Variants in EEPD1 observed in about 807,000 individuals in gnomAD.
The protein encoded by EEPD1 is endonuclease/exonuclease/phosphatase family domain-containing protein 1.
EEPD1 carries 17 observed loss-of-function variants against 46.3 expected under a neutral mutation model. The observed-to-expected ratio is 0.37, with a 90% CI of 0.25 to 0.55. The LOEUF (loss-of-function observed/expected upper bound fraction) is 0.55. EEPD1 is among the 20% of genes least tolerant of loss of function. The probability of loss-of-function intolerance (pLI) is 0.83; values close to 1 mark genes in which losing one functional copy is unlikely to be tolerated. For synonymous variants in EEPD1, 313 were observed against 315.6 expected (o/e 0.99, Z 0.09); for missense variants, 673 against 745.6 (o/e 0.90, Z 1.13).
chr7:36,162,514 C>T (rs983463256), intron 2 of EEPD1, among the ~76,000 whole-genome samples: 1 of 152,110 alleles, frequency 6.6e-6, no homozygotes, highest in African/African-American at 2.4e-5. Context: ...GTTGGTGGTG[C>T]ACACCCATAG....
chr7:36,158,737 A>G (rs1784861352), intron 2 of EEPD1, among the ~76,000 whole-genome samples: 1 of 152,216 alleles, frequency 6.6e-6, no homozygotes, highest in African/African-American at 2.4e-5. Flanking sequence ...GTTCCTGCTA[A>G]ATATGCTTGC....
chr7:36,228,889 G>C (rs1786273293), intron 2 of EEPD1: 1 of 152,210 alleles, frequency 6.6e-6, no homozygotes, highest in Admixed American at 6.5e-5. Context: ...TTGATTAATA[G>C]GTTTGTCACA....
chr7:36,184,895 T>C (rs1331855584), intron 2 of EEPD1, among the ~76,000 whole-genome samples: 4 of 152,120 alleles, frequency 2.6e-5, no homozygotes, highest in African/African-American at 9.7e-5. Flanking sequence ...CATACCTGGC[T>C]AATTTTTGGA....
At chr7:36,219,732 T>G (rs143023117) in intron 2 of EEPD1, among the ~76,000 whole-genome samples, 58 of 146,876 alleles carry the variant, frequency 3.9e-4, no homozygotes, top group African/African-American at 1.4e-3. Context: ...CCCTAATTAC[T>G]GGCCTGATAG....
At chr7:36,195,519 G>A (rs540830204) in intron 2 of EEPD1, among the ~76,000 whole-genome samples, 11 of 152,250 alleles carry the variant, frequency 7.2e-5, no homozygotes, top group South Asian at 2.1e-4. Flanking sequence ...AACTGATCTC[G>A]CTTATATGTG....
chr7:36,184,285 G>T (rs1161282582), intron 2 of EEPD1, among the ~76,000 whole-genome samples: 1 of 152,070 alleles, frequency 6.6e-6, no homozygotes, highest in Non-Finnish European at 1.5e-5. Flanking sequence ...AAATGCCAAA[G>T]CCATTCTTAC....
At chr7:36,161,567 G>A (rs891570835) in intron 2 of EEPD1, among the ~76,000 whole-genome samples, 1 of 152,024 alleles carries the variant, frequency 6.6e-6, no homozygotes, top group Non-Finnish European at 1.5e-5. Flanking sequence ...GGGGAGGTCC[G>A]GGCCCTCCAC....
intron 2 of EEPD1, chr7:36,228,588 A>C (rs1422867966): frequency 6.6e-6 from 1 of 152,168 alleles, no homozygotes; most frequent in East Asian, 1.9e-4. Context: ...ATGAAGGAAA[A>C]AGTTATTCTG....
intron 2 of EEPD1, among the ~76,000 whole-genome samples, chr7:36,229,083 TTCCCTGTCACTTGCTG>T (rs907912223): frequency 1.3e-5 from 2 of 152,170 alleles, no homozygotes; most frequent in African/African-American, 4.8e-5. Context: ...CGGAAACCCC[TTCCCTGTCACTTGCTG>T]TACAGTCTGG....
intron 2 of EEPD1, among the ~76,000 whole-genome samples, chr7:36,162,384 A>G (rs1469206481): frequency 6.6e-6 from 1 of 152,200 alleles, no homozygotes; most frequent in Non-Finnish European, 1.5e-5. Flanking sequence ...GGTGGCTCAC[A>G]CCTGTAATCC....
At chr7:36,258,374 C>G (rs1786860016) in intron 3 of EEPD1, among the ~76,000 whole-genome samples, 1 of 152,220 alleles carries the variant, frequency 6.6e-6, no homozygotes. Context: ...ATCCACTGCT[C>G]TCTTAAGAGC....
chr7:36,186,130 G>A lies in EEPD1; in HGVS notation c.878+30928G>A, dbSNP rs141408632. 3.0e-3 allele frequency among the ~76,000 whole-genome samples: 463 copies of A among 152,170 alleles called. 1 individual carries two copies. The highest frequency in any genetic ancestry group is 1.0e-2 in the African/African-American group (414 of 41,520). On this transcript the variant is annotated intron_variant, in intron 2 of 7. Coordinates refer to ENST00000242108, the MANE Select transcript of EEPD1 (RefSeq NM_030636.3). Reference sequence around the variant, plus strand: ...CAAAATATGAGCTTTGCATTCCCCCGGATCCAGAAGCCAAATGGGCAGACT... The same window carrying A: ...CAAAATATGAGCTTTGCATTCCCCCAGATCCAGAAGCCAAATGGGCAGACT...
intron 2 of EEPD1, among the ~76,000 whole-genome samples, chr7:36,155,990 G>C (rs1266556645): frequency 6.6e-6 from 1 of 152,210 alleles, no homozygotes. Context: ...AACTCCTGCT[G>C]TTAGTAAAAT....
intron 3 of EEPD1, among the ~76,000 whole-genome samples, chr7:36,246,525 C>T (rs893807380): frequency 1.3e-5 from 2 of 152,312 alleles, no homozygotes; most frequent in Non-Finnish European, 2.9e-5. Flanking sequence ...CTGCTGTGGT[C>T]GTCATCATCA....
intron 3 of EEPD1, among the ~76,000 whole-genome samples, chr7:36,251,781 GT>G (rs1554319084): frequency 6.6e-6 from 1 of 151,938 alleles, no homozygotes; most frequent in Non-Finnish European, 1.5e-5. Flanking sequence ...GTTTTCAAAA[GT>G]TTTTTGCTTT....
intron 3 of EEPD1, among the ~76,000 whole-genome samples, chr7:36,248,118 C>T (rs530328732): frequency 2.6e-5 from 4 of 152,164 alleles, no homozygotes; most frequent in South Asian, 2.1e-4. Flanking sequence ...GGTTGGAGGA[C>T]GTGGACTGGA....
rs756687593 is a variant in EEPD1 at position 36,300,164 on chromosome 7, A to G, written c.*958A>G. 2 of 152,320 alleles carry G rather than the reference A, an allele frequency of 1.3e-5. No homozygotes were observed. Among genetic ancestry groups the G allele is most frequent in the Non-Finnish European group, 2.9e-5 (2 of 68,094 alleles). The allele number at this position is 152,320 out of a possible 1,614,324, so 9.4% of individuals were successfully genotyped here. On this transcript the variant is annotated 3_prime_UTR_variant, in exon 8 of 8. Coordinates refer to ENST00000242108, the MANE Select transcript of EEPD1 (RefSeq NM_030636.3). Reference sequence around the variant, plus strand: ...AGGAATGTGTGCTGTGTCAGGATACATAGGAAGTTGACCTCGGGGTATCAT... The same window carrying G: ...AGGAATGTGTGCTGTGTCAGGATACGTAGGAAGTTGACCTCGGGGTATCAT...
At chr7:36,235,353 G>T (rs113772258) in intron 2 of EEPD1, among the ~76,000 whole-genome samples, 2 of 152,388 alleles carry the variant, frequency 1.3e-5, no homozygotes, top group African/African-American at 4.8e-5. Context: ...CACCCTGGTT[G>T]CTGGCTGTAG....
At chr7:36,189,103 C>T (rs1344373632) in intron 2 of EEPD1, among the ~76,000 whole-genome samples, 2 of 152,172 alleles carry the variant, frequency 1.3e-5, no homozygotes, top group African/African-American at 2.4e-5. Context: ...TCAGGGCTCC[C>T]ACAGTTGGTG....
Sources: gnomAD v4.1 joint callset for allele counts (sites outside exome capture counted in the v4.1 genomes callset) on GRCh38, gnomAD v4.1.1 for gene constraint, MANE v1.5 for transcripts, NCBI Gene and HGNC (gene_info 2026-07-23, HGNC 2026-07-21) for gene names.